The following INAVA variants were observed in gnomAD, a reference collection of about 807,000 sequenced individuals.
INAVA encodes the protein innate immunity activator protein.
In INAVA, 32 loss-of-function variants were observed where a neutral mutation model predicts 55.3. The ratio of observed to expected loss-of-function variants is 0.58; its 90% CI spans 0.44 to 0.78. The LOEUF (loss-of-function observed/expected upper bound fraction) is 0.78, where lower values mean the gene tolerates loss of function less well. Ranked by LOEUF, INAVA falls within the 30% of genes least tolerant of loss-of-function variation. INAVA has a pLI of 0.00. For synonymous variants in INAVA, 294 were observed against 329.4 expected (o/e 0.89, Z 1.16); for missense variants, 756 against 786.4 (o/e 0.96, Z 0.46).
chr1:200,907,255 T>A (rs1026710994), intron 5 of INAVA, among the ~76,000 whole-genome samples: 1 of 152,150 alleles, frequency 6.6e-6, no homozygotes, highest in Admixed American at 6.5e-5. Flanking sequence ...GTCTAGAGCA[T>A]TGAAATGGTT....
intron 7 of INAVA, 40 bp from the exon 8 acceptor site, chr1:200,909,184 A>T: frequency 6.8e-7 from 1 of 1,475,032 alleles, no homozygotes; most frequent in Non-Finnish European, 9.0e-7. Flanking sequence ...CCCTGAATGG[A>T]GGCATTCCTG....
chr1:200,904,120 GCT>G (rs1653389053), intron 5 of INAVA, among the ~76,000 whole-genome samples: 1 of 146,644 alleles, frequency 6.8e-6, no homozygotes, highest in Admixed American at 6.8e-5. Context: ...ACGGAGTCTT[GCT>G]CTCTCATCCA....
chr1:200,908,877 A>C lies in INAVA; in HGVS notation c.722A>C (p.Glu241Ala), dbSNP rs1653602636. The part of the protein sequence containing the change: ...RAPVQNSPWK[E>A]TSLDHPYEKP... ...CCAGTCCAGAACAGCCCCTGGAAGG[A>C]AACCAGCCTGGACCACCCCTATGAG... Residue 241 changes from glutamate (E) to alanine (A), a missense_variant, in exon 7 of 10, where the codon GAA becomes GCA. Transcript: ENST00000413687. 1 of 1,613,918 alleles carries C rather than the reference A, an allele frequency of 6.2e-7. No homozygotes were observed. The highest frequency in any genetic ancestry group is 1.7e-5 in the Admixed American group (1 of 59,986).
chr1:200,893,395 A>G (rs1373174806), upstream of INAVA, among the ~76,000 whole-genome samples: 1 of 152,236 alleles, frequency 6.6e-6, no homozygotes, highest in Non-Finnish European at 1.5e-5. Flanking sequence ...CACAGCTGGT[A>G]GAAACTTCCA....
chr1:200,891,532 A>T (rs1668238019), upstream of INAVA: 2 of 1,605,870 alleles, frequency 1.2e-6, no homozygotes, highest in South Asian at 1.1e-5. Context: ...GGGATCTTTA[A>T]CATTTGGGAT....
chr1:200,896,855 C>G (rs1007709340), intron 1 of INAVA, among the ~76,000 whole-genome samples: 3 of 152,256 alleles, frequency 2.0e-5, no homozygotes, highest in Non-Finnish European at 2.9e-5. Flanking sequence ...TCACCTCCCC[C>G]ACCCTGCGGC....
chr1:200,896,967 C>T (rs948770070), intron 1 of INAVA, among the ~76,000 whole-genome samples: 1 of 152,232 alleles, frequency 6.6e-6, no homozygotes, highest in Non-Finnish European at 1.5e-5. Context: ...GCTGAGCTCT[C>T]TTTCCAGACC....
In INAVA at chr1:200,909,310, G is replaced by T. The variant is rs374236435; in HGVS notation, c.872G>T (p.Arg291Leu). The T allele has an allele frequency of 1.2e-6, 2 of 1,612,262 alleles. No homozygotes were observed. Among genetic ancestry groups the T allele is most frequent in the Non-Finnish European group, 1.7e-6 (2 of 1,179,192 alleles). ...GCCTCCTACCACGTGGTTCCCATCC[G>T]TGGTGTTCCTGGCCAGTGGCAGGGC... Reference protein sequence around the residue: ...EPASYHVVPIRGVPGQWQGRT... With the variant: ...EPASYHVVPILGVPGQWQGRT... The change falls in exon 8 of 10, where the codon CGT becomes CTT. Residue 291 changes from arginine to leucine, a missense_variant. This residue lies in a region of INAVA where 639 missense variants were observed against 624.3 expected (regional missense o/e 1.02). Transcript: ENST00000413687.
chr1:200,906,233 G>C (rs1411447930), intron 5 of INAVA: 1 of 152,160 alleles, frequency 6.6e-6, no homozygotes, highest in East Asian at 1.9e-4. Context: ...AGATCTGAAG[G>C]CCTGGCCGGG....
chr1:200,893,708 G>A (rs773837502), upstream of INAVA, among the ~76,000 whole-genome samples: 1 of 152,202 alleles, frequency 6.6e-6, no homozygotes, highest in African/African-American at 2.4e-5. Context: ...GAAAAAGGGT[G>A]TGTACAGGAA....
intron 2 of INAVA, among the ~76,000 whole-genome samples, chr1:200,899,224 C>G (rs1268633484): frequency 6.6e-6 from 1 of 152,084 alleles, no homozygotes; most frequent in African/African-American, 2.4e-5. Context: ...CCCCTGCACT[C>G]CCCCACCATA....
At chr1:200,908,416 T>C (rs911929283) in intron 6 of INAVA, 1 of 263,850 alleles carries the variant, frequency 3.8e-6, no homozygotes, top group Non-Finnish European at 7.1e-6. Context: ...ACAAGAAAAA[T>C]AGGTAAACAA....
intron 5 of INAVA, among the ~76,000 whole-genome samples, chr1:200,907,251 A>G (rs979474981): frequency 2.0e-5 from 3 of 152,132 alleles, no homozygotes; most frequent in African/African-American, 7.2e-5. Flanking sequence ...TGAGGTCTAG[A>G]GCATTGAAAT....
At chr1:200,899,682 G>A in intron 3 of INAVA, 85 bp downstream of exon 3, 1 of 1,534,356 alleles carries the variant, frequency 6.5e-7, no homozygotes, top group Non-Finnish European at 8.8e-7. Flanking sequence ...GCTGGGGAGA[G>A]GGAGCCCCAT....
At position 200,911,846 on chromosome 1, in the gene INAVA, G is replaced by A; in HGVS notation, c.1353G>A (p.Glu451=). The change falls in exon 9 of 10, where the codon GAG becomes GAA. Residue 451 remains glutamate, a synonymous_variant. Transcript: ENST00000413687. ...GCCCCCTGCCGCCTGGCGAGTGGGA[G>A]CTGCGCCGCGCAGCCCCGGGCCCTG... ...AESPLPPGEW[E]LRRAAPGPAY... is the part of the protein sequence containing the mutation. The A allele has an allele frequency of 6.3e-7, 1 of 1,597,536 alleles. No individual in the cohort carries two copies. Among genetic ancestry groups the A allele is most frequent in the Non-Finnish European group, 8.5e-7 (1 of 1,176,508 alleles).
At chr1:200,908,162 C>A (rs963649363) in intron 6 of INAVA, 1 of 363,126 alleles carries the variant, frequency 2.8e-6, no homozygotes. Flanking sequence ...CCCAGATGTC[C>A]CTCCTTCACC....
At chr1:200,898,020 G>A (rs908918418) in intron 1 of INAVA, among the ~76,000 whole-genome samples, 8 of 152,186 alleles carry the variant, frequency 5.3e-5, no homozygotes, top group Admixed American at 1.3e-4. Flanking sequence ...CCAGTCGAGC[G>A]GTTCTTGTGG....
chr1:200,904,314 C>T (rs1254943352), intron 5 of INAVA, among the ~76,000 whole-genome samples: 1 of 152,208 alleles, frequency 6.6e-6, no homozygotes, highest in Non-Finnish European at 1.5e-5. Context: ...GTCTCGAACT[C>T]CTGACCTCAA....
intron 1 of INAVA, among the ~76,000 whole-genome samples, chr1:200,897,733 A>G (rs1484025386): frequency 2.6e-5 from 4 of 151,838 alleles, no homozygotes; most frequent in African/African-American, 9.7e-5. Flanking sequence ...AGGCTCAGGC[A>G]ATCCTCCTGC....
Sources: allele counts gnomAD v4.1 joint callset (sites outside exome capture counted in the v4.1 genomes callset), GRCh38; gene constraint gnomAD v4.1.1; regional missense constraint gnomAD v4.1.1; transcripts MANE v1.5; gene names NCBI Gene and HGNC (gene_info 2026-07-23, HGNC 2026-07-21).